The following OR1B1 variants were observed in gnomAD, a reference collection of about 807,000 sequenced individuals.
The protein encoded by OR1B1 is olfactory receptor family 1 subfamily B member 1, also known as olfactory receptor 1B1.
For missense variants in OR1B1, 414 were observed against 402.1 expected (o/e 1.03, Z -0.25); for synonymous variants, 168 against 156.2 (o/e 1.08, Z -0.57).
chr9:122,656,717 C>T, the OR1B1 span, among the ~76,000 whole-genome samples: 1 of 152,190 alleles, frequency 6.6e-6, no homozygotes, highest in African/African-American at 2.4e-5. Context: ...AGTATCATTT[C>T]ACAGTCTACA....
chr9:122,640,420 C>T, the OR1B1 span, among the ~76,000 whole-genome samples: 1 of 151,918 alleles, frequency 6.6e-6, no homozygotes, highest in African/African-American at 2.4e-5. Context: ...AAATACAATA[C>T]CTAATGAAGC....
chr9:122,653,839 G>C, the OR1B1 span, among the ~76,000 whole-genome samples: 977 of 152,268 alleles, frequency 6.4e-3, 9 homozygotes, highest in African/African-American at 0.023. Flanking sequence ...TATTAATTGA[G>C]AGCCTACTAA....
chr9:122,628,363 G>T (rs189890443), downstream of OR1B1, among the ~76,000 whole-genome samples: 59 of 152,230 alleles, frequency 3.9e-4, no homozygotes, highest in African/African-American at 1.4e-3. Context: ...CTGATGGAGG[G>T]TGCCCAGAGG....
At chr9:122,649,092 C>T in the OR1B1 span, among the ~76,000 whole-genome samples, 5,589 of 152,078 alleles carry the variant, frequency 0.037, 318 homozygotes, top group African/African-American at 0.13. Flanking sequence ...TCAGAAATAA[C>T]GCCACACATC....
At chr9:122,652,909 G>A in the OR1B1 span, among the ~76,000 whole-genome samples, 1 of 152,102 alleles carries the variant, frequency 6.6e-6, no homozygotes, top group Non-Finnish European at 1.5e-5. Flanking sequence ...TCACAGTGGG[G>A]AAGTCAAAGC....
chr9:122,655,429 C>T, the OR1B1 span, among the ~76,000 whole-genome samples: 1 of 152,106 alleles, frequency 6.6e-6, no homozygotes, highest in African/African-American at 2.4e-5. Flanking sequence ...CCTAAATCAA[C>T]CCAGACGCCC....
downstream of OR1B1, chr9:122,628,485 G>C (rs1306731825): frequency 7.8e-6 from 6 of 768,710 alleles, no homozygotes; most frequent in Admixed American, 9.2e-5. Context: ...AAGTTATCTA[G>C]GCCCTCCACC....
At chr9:122,639,561 A>T in the OR1B1 span, 1 of 152,046 alleles carries the variant, frequency 6.6e-6, no homozygotes. Flanking sequence ...TAACTTTCAT[A>T]TGTGAGTAAG....
exon 1 of OR1B1, chr9:122,629,268 G>A: frequency 6.2e-7 from 1 of 1,614,122 alleles, no homozygotes; most frequent in Non-Finnish European, 8.5e-7. Flanking sequence ...GTTGGGTAAT[G>A]AGAGACCAAA....
At chr9:122,633,340 A>C (rs1830223191), upstream of OR1B1, among the ~76,000 whole-genome samples, 1 of 152,204 alleles carries the variant, frequency 6.6e-6, no homozygotes, top group Admixed American at 6.5e-5. Context: ...CTGAAACCAC[A>C]AAATTCCAAG....
the OR1B1 span, among the ~76,000 whole-genome samples, chr9:122,657,567 C>A: frequency 6.6e-6 from 1 of 152,172 alleles, no homozygotes; most frequent in Non-Finnish European, 1.5e-5. Context: ...CAATAGTAGT[C>A]TTGAGATCAG....
the OR1B1 span, among the ~76,000 whole-genome samples, chr9:122,641,511 G>A: frequency 3.9e-5 from 6 of 152,168 alleles, no homozygotes; most frequent in East Asian, 5.8e-4. Flanking sequence ...GAGTAAGAAT[G>A]GAAATGCAGG....
chr9:122,632,699 A>G (rs1178000249), upstream of OR1B1, among the ~76,000 whole-genome samples: 1 of 152,100 alleles, frequency 6.6e-6, no homozygotes, highest in Non-Finnish European at 1.5e-5. Flanking sequence ...CAGTTACTTC[A>G]CCTAGAATAA....
At chr9:122,650,750 G>A in the OR1B1 span, among the ~76,000 whole-genome samples, 1 of 152,196 alleles carries the variant, frequency 6.6e-6, no homozygotes, top group Non-Finnish European at 1.5e-5. Context: ...CCAGCCGGGC[G>A]CGGTGGCTCA....
At chr9:122,632,881 A>G (rs897407026), upstream of OR1B1, among the ~76,000 whole-genome samples, 1 of 152,180 alleles carries the variant, frequency 6.6e-6, no homozygotes, top group Non-Finnish European at 1.5e-5. Flanking sequence ...AAGACTGGGC[A>G]ATTTAGAAAA....
the OR1B1 span, among the ~76,000 whole-genome samples, chr9:122,657,257 CT>C: frequency 6.8e-6 from 1 of 147,080 alleles, no homozygotes; most frequent in Admixed American, 6.7e-5. Context: ...CCAGAAGTGT[CT>C]TTACACATAT....
the OR1B1 span, among the ~76,000 whole-genome samples, chr9:122,655,374 C>T: frequency 6.6e-6 from 1 of 152,162 alleles, no homozygotes; most frequent in East Asian, 1.9e-4. Context: ...AAGTCCTATT[C>T]TGTGAAATTT....
the OR1B1 span, among the ~76,000 whole-genome samples, chr9:122,643,140 C>T: frequency 2.0e-5 from 3 of 152,120 alleles, no homozygotes; most frequent in African/African-American, 4.8e-5. Flanking sequence ...AGCACTGACA[C>T]AAGAACCAAA....
At chr9:122,656,663 C>G in the OR1B1 span, among the ~76,000 whole-genome samples, 10 of 152,112 alleles carry the variant, frequency 6.6e-5, no homozygotes, top group Non-Finnish European at 1.5e-4. Flanking sequence ...ATAAATTGCC[C>G]CATCTGTGGT....
Sources: allele counts gnomAD v4.1 joint callset (sites outside exome capture counted in the v4.1 genomes callset), GRCh38; gene constraint gnomAD v4.1.1; transcripts MANE v1.5; gene names NCBI Gene and HGNC (gene_info 2026-07-23, HGNC 2026-07-21).